The following MFSD12 variants were observed in gnomAD, a reference collection of about 807,000 sequenced individuals.
The protein encoded by MFSD12 is major facilitator superfamily domain-containing protein 12.
In MFSD12, 67 loss-of-function variants were observed where a neutral mutation model predicts 51.2. That is an observed-to-expected ratio of 1.31 (90% CI 1.08 to 1.60). The LOEUF (loss-of-function observed/expected upper bound fraction) is 1.60, where lower values mean the gene tolerates loss of function less well. Among genes scored for constraint, MFSD12 ranks in the 40% most tolerant of loss-of-function variants. MFSD12 has a pLI of 0.00. For missense variants in MFSD12, 921 were observed against 673.0 expected, an observed-to-expected ratio of 1.37 and a Z score of -4.08; for synonymous variants, 441 against 316.7, an observed-to-expected ratio of 1.39 and a Z score of -4.17.
chr19:3,552,684 C>T (rs992771170), intron 1 of MFSD12, among the ~76,000 whole-genome samples: 2 of 151,902 alleles, frequency 1.3e-5, no homozygotes, highest in African/African-American at 4.8e-5. Context: ...GGGGTTTCAC[C>T]ACGTTGGCCA....
downstream of MFSD12, chr19:3,542,721 G>A (rs2030517350): frequency 7.7e-7 from 1 of 1,303,072 alleles, no homozygotes; most frequent in Admixed American, 2.3e-5. Context: ...GACCTCAAGT[G>A]ATCCACCTGC....
Position 3,546,322 on chromosome 19 carries a change from C to A in MFSD12, c.1127G>T (p.Gly376Val). The A allele has an allele frequency of 6.2e-7, 1 of 1,608,904 alleles. No homozygotes were observed. The highest frequency in any genetic ancestry group is 8.5e-7 in the Non-Finnish European group (1 of 1,178,402). ...VAVYAAAVLLGAGCATILVTS... is the reference protein window; with the variant it reads ...VAVYAAAVLLVAGCATILVTS... ...GACGAGGATGGTGGCACAGCCAGCACCCAGCAGCACAGCCGCTGCGTACAC... is the reference window on the plus strand; with the variant it reads ...GACGAGGATGGTGGCACAGCCAGCAACCAGCAGCACAGCCGCTGCGTACAC... Residue 376 changes from glycine (G) to valine (V), a missense_variant, in exon 7 of 10, where the codon GGT (glycine) becomes GTT (valine). Transcript: ENST00000355415.
At chr19:3,544,765 G>C in intron 9 of MFSD12, 33 bp from the exon 10 acceptor site, 1 of 1,606,902 alleles carries the variant, frequency 6.2e-7, no homozygotes, top group Non-Finnish European at 8.5e-7. Flanking sequence ...GCATTAGAGA[G>C]TGTGGGTCAG....
Position 3,546,257 on chromosome 19 carries a change from T to G in MFSD12, c.1192A>C (p.Thr398Pro), listed in dbSNP as rs768444875. Residue 398 changes from threonine (T) to proline (P), a missense_variant and splice_region_variant, in exon 7 of 10, where the codon ACG (threonine) becomes CCG (proline). Coordinates refer to ENST00000355415, the MANE Select transcript of MFSD12 (RefSeq NM_174983.5). ...CCCAGCCTGGCTACCAGCCCTACCG[T>G]GTGGGGACCGATGAGGTCGGCCGTC... is the stretch of plus-strand genomic sequence containing the variant. Reference protein sequence around the residue: ...AMTADLIGPHTNSGAFVYGSM... With the variant: ...AMTADLIGPHPNSGAFVYGSM... 17 of 1,610,340 alleles carry G rather than the reference T, an allele frequency of 1.1e-5. No individual in the cohort carries two copies. Among genetic ancestry groups the G allele is most frequent in the Admixed American group, 1.0e-4 (6 of 59,580 alleles).
downstream of MFSD12, chr19:3,543,078 G>A (rs2030564209): frequency 6.3e-7 from 1 of 1,580,416 alleles, no homozygotes; most frequent in Non-Finnish European, 8.6e-7. Flanking sequence ...TCTGGGGTGA[G>A]GGGTACAGGG....
chr19:3,540,068 A>G (rs67654079), downstream of MFSD12: 26,610 of 149,776 alleles, frequency 0.18, 2,573 homozygotes, highest in Middle Eastern at 0.23. Context: ...CCTGAGCAAC[A>G]TAGTGAGACC....
intron 2 of MFSD12, among the ~76,000 whole-genome samples, chr19:3,550,351 C>T (rs2031400267): frequency 6.6e-6 from 1 of 151,944 alleles, no homozygotes; most frequent in South Asian, 2.1e-4. Context: ...GAGTTCCAGA[C>T]CAGCCTGGGC....
chr19:3,543,194 T>C (rs567774227), downstream of MFSD12: 6 of 1,530,996 alleles, frequency 3.9e-6, no homozygotes, highest in African/African-American at 8.2e-5. Context: ...AAGCACTCGC[T>C]GTAGACATGG....
Position 3,546,273 on chromosome 19 carries a change from G to A in MFSD12, c.1176C>T (p.Asp392=), listed in dbSNP as rs777687590. 1.4e-5 allele frequency: 22 copies of A among 1,610,864 alleles called. No homozygotes were observed. Among genetic ancestry groups the A allele is most frequent in the Middle Eastern group, 1.6e-4 (1 of 6,078 alleles). ...GCCCTACCGTGTGGGGACCGATGAGGTCGGCCGTCATGGCCAGCGAGGTGA... is the reference window on the plus strand; with the variant it reads ...GCCCTACCGTGTGGGGACCGATGAGATCGGCCGTCATGGCCAGCGAGGTGA... ...ILVTSLAMTA[D]LIGPHTNSGA... Residue 392 remains aspartate, a synonymous_variant, in exon 7 of 10, where the codon GAC becomes GAT. Coordinates refer to ENST00000355415, the MANE Select transcript of MFSD12 (RefSeq NM_174983.5).
Position 3,550,977 on chromosome 19 carries a change from C to T in MFSD12, c.509+7G>A, listed in dbSNP as rs374831036. ...CTGCCCGTGGGGGAGGGTGCCCAGG[C>T]TCCCACCTGAGTGCCGTGAGCTCCA... On this transcript the variant is annotated splice_region_variant and intron_variant, in intron 2 of 9. Transcript: ENST00000355415. 2 of 1,609,298 alleles carry T rather than the reference C, an allele frequency of 1.2e-6. No individual in the cohort carries two copies. The highest frequency in any genetic ancestry group is 1.7e-6 in the Non-Finnish European group (2 of 1,179,078).
chr19:3,545,102 C>T (rs962249328), intron 8 of MFSD12, among the ~76,000 whole-genome samples, 163 bp from the exon 9 acceptor site: 6 of 152,152 alleles, frequency 3.9e-5, no homozygotes, highest in Admixed American at 6.5e-5. Flanking sequence ...CCCAACAGCT[C>T]GGCCAGTCCT....
intron 6 of MFSD12, 144 bp downstream of exon 6, chr19:3,547,128 G>A (rs562480142): frequency 4.3e-5 from 31 of 726,214 alleles, no homozygotes; most frequent in Middle Eastern, 3.9e-4. Flanking sequence ...GTGAGCCACC[G>A]TGCCCGGCCT....
intron 1 of MFSD12, among the ~76,000 whole-genome samples, chr19:3,552,174 T>C (rs569653829): frequency 1.5e-4 from 23 of 151,920 alleles, no homozygotes; most frequent in Admixed American, 9.2e-4. Context: ...ATATCTATTT[T>C]TTTTTTTTTT....
At chr19:3,548,336 A>G (rs1039138243) in intron 2 of MFSD12, 69 bp from the exon 3 acceptor site, 3 of 1,528,156 alleles carry the variant, frequency 2.0e-6, no homozygotes, top group Non-Finnish European at 2.6e-6. Context: ...CCACGTGGCT[A>G]CGCCGTCAGA....
chr19:3,540,502 C>T (rs1179686936), downstream of MFSD12, among the ~76,000 whole-genome samples: 464 of 151,622 alleles, frequency 3.1e-3, no homozygotes, highest in Non-Finnish European at 4.5e-3. Context: ...ATGATCTGCC[C>T]TCCTTGGCCT....
At position 3,551,244 on chromosome 19, in the gene MFSD12, G is replaced by A; in HGVS notation, c.299-50C>T. On this transcript the variant is annotated intron_variant, in intron 1 of 9. Coordinates refer to ENST00000355415, the MANE Select transcript of MFSD12 (RefSeq NM_174983.5). This position sits in a 1 kb window ranked among gnomAD's most constrained non-coding sequence, Gnocchi z 4.6. ...GCGGGGCTGTCCCGCACCAGCCAGG[G>A]CTCCCAGGGTGAGGACATGGAGGGA... The A allele has an allele frequency of 6.9e-7, 1 of 1,450,026 alleles. No individual in the cohort carries two copies. The highest frequency in any genetic ancestry group is 9.3e-7 in the Non-Finnish European group (1 of 1,072,430). The allele number at this position is 1,450,026 out of a possible 1,614,324, so 89.8% of individuals were successfully genotyped here.
chr19:3,542,181 C>T, downstream of MFSD12: 3 of 985,416 alleles, frequency 3.0e-6, no homozygotes, highest in Non-Finnish European at 3.6e-6. Context: ...GGGTGAGGTT[C>T]TCCTGATCTT....
At chr19:3,556,801 G>C (rs73527958) in intron 1 of MFSD12, among the ~76,000 whole-genome samples, 6,052 of 136,932 alleles carry the variant, frequency 0.044, 159 homozygotes, top group South Asian at 0.14. Context: ...CAGAGAGAGG[G>C]GGCTGGGTGG....
intron 2 of MFSD12, 64 bp downstream of exon 2, chr19:3,550,920 C>A (rs898334272): frequency 1.4e-5 from 20 of 1,401,768 alleles, no homozygotes; most frequent in Non-Finnish European, 1.8e-5. Flanking sequence ...TTATGCAGTG[C>A]CACTGACTGA....
Sources: gnomAD v4.1 joint callset for allele counts (sites outside exome capture counted in the v4.1 genomes callset) on GRCh38, gnomAD v4.1.1 for gene constraint, Gnocchi (gnomAD v3.1) non-coding constraint, MANE v1.5 for transcripts, NCBI Gene and HGNC (gene_info 2026-07-23, HGNC 2026-07-21) for gene names.